SEPTIN7: variants seen among roughly 807,000 people sequenced by gnomAD.
SEPTIN7 encodes septin 7.
Under a neutral mutation model 63.3 loss-of-function variants are expected in SEPTIN7, and 10 were observed. The ratio of observed to expected loss-of-function variants is 0.16; its 90% CI spans 0.10 to 0.27. SEPTIN7 has a LOEUF of 0.27. SEPTIN7 is among the 10% of genes least tolerant of loss of function. The probability of loss-of-function intolerance (pLI) is 1.00; values close to 1 mark genes in which losing one functional copy is unlikely to be tolerated. For synonymous variants in SEPTIN7, 131 were observed against 165.3 expected, an observed-to-expected ratio of 0.79 and a Z score of 1.59; for missense variants, 310 against 521.0, an observed-to-expected ratio of 0.59 and a Z score of 3.94.
chr7:35,832,961 C>G, intron 3 of SEPTIN7, 61 bp downstream of exon 3: 1 of 917,306 alleles, frequency 1.1e-6, no homozygotes, highest in Admixed American at 1.7e-5. Context: ...TTAGTCAACT[C>G]TGAATAGATT....
intron 9 of SEPTIN7, among the ~76,000 whole-genome samples, chr7:35,884,350 A>G (rs1277038828): frequency 6.6e-6 from 1 of 152,192 alleles, no homozygotes; most frequent in Non-Finnish European, 1.5e-5. Context: ...TGGATTAAGG[A>G]TGCTCGACCA....
rs1783907031 is a variant in SEPTIN7, at chr7:35,833,006, A to G, written c.169+106A>G. ...ACTGGCACAGATATCTACAGTGATC[A>G]TATCTTTGTTGTATTTTCTCTTATG... On this transcript the variant is annotated intron_variant, in intron 3 of 13. Coordinates refer to ENST00000350320, the MANE Select transcript of SEPTIN7 (RefSeq NM_001788.6). The G allele has an allele frequency of 5.9e-6, 4 of 680,892 alleles. No homozygotes were observed. In the Admixed American group the frequency reaches 9.9e-5, roughly 17 times the overall value. The allele number at this position is 680,892 out of a possible 1,614,324, so 42.2% of individuals were successfully genotyped here.
chr7:35,888,937 T>G (rs539762530), intron 10 of SEPTIN7: 7 of 300,260 alleles, frequency 2.3e-5, no homozygotes, highest in South Asian at 1.7e-4. Flanking sequence ...AAAAAGTGTT[T>G]ATCATATCTC....
At position 35,890,668 on chromosome 7, in the gene SEPTIN7, A is replaced by G. The variant is rs2116331805; in HGVS notation, c.873A>G (p.Arg291=). ...AACTCTTGCTGTTTGTTTATGACAG[A>G]ACACACATGCAGGACTTGAAAGATG... The part of the protein sequence containing the change: ...DFTILRNMLI[R]THMQDLKDVT... Residue 291 remains arginine (R), a splice_region_variant and synonymous_variant, in exon 11 of 14, where the codon AGA becomes AGG. Coordinates refer to ENST00000350320, the MANE Select transcript of SEPTIN7 (RefSeq NM_001788.6). 6.5e-7 allele frequency: 1 copy of G among 1,537,842 alleles called. No homozygotes were observed. The highest frequency in any genetic ancestry group is 2.4e-5 in the East Asian group (1 of 41,744).
chr7:35,914,031 G>T, the SEPTIN7 span, among the ~76,000 whole-genome samples: 1 of 152,194 alleles, frequency 6.6e-6, no homozygotes, highest in African/African-American at 2.4e-5. Flanking sequence ...CCATAGAACA[G>T]AATACTATGT....
rs1050236327 is a variant in SEPTIN7, at chr7:35,873,568, T to C, written c.378-73T>C. The C allele has an allele frequency of 7.0e-6, 10 of 1,429,818 alleles. No individual in the cohort carries two copies. In the Admixed American group the frequency reaches 1.9e-4, roughly 27 times the overall value. The allele number at this position is 1,429,818 out of a possible 1,614,324, so 88.6% of individuals were successfully genotyped here. A position where few individuals can be genotyped will look rare whatever the true frequency, so the allele number is the denominator to read the frequency against. On this transcript the variant is annotated intron_variant, in intron 5 of 13. Transcript: ENST00000350320. ...ATTTTGCCCATTTGAAAATACTGAT[T>C]ATTGTCCTTTAACAGTCATCAGTTA... is the stretch of plus-strand genomic sequence containing the variant.
At chr7:35,850,185 T>C (rs923449064) in intron 3 of SEPTIN7, among the ~76,000 whole-genome samples, 3 of 152,226 alleles carry the variant, frequency 2.0e-5, no homozygotes, top group Middle Eastern at 3.2e-3. Flanking sequence ...GACACTAATA[T>C]GTATTTTGGT....
chr7:35,832,012 C>T (rs1480299816), intron 2 of SEPTIN7: 31 of 427,730 alleles, frequency 7.2e-5, no homozygotes, highest in South Asian at 4.2e-4. Flanking sequence ...GTCTTAACTA[C>T]GGACAGCATT....
At chr7:35,868,036 A>C (rs553823166) in intron 4 of SEPTIN7, among the ~76,000 whole-genome samples, 2 of 151,514 alleles carry the variant, frequency 1.3e-5, no homozygotes, top group South Asian at 4.2e-4. Flanking sequence ...CACCTGGCTA[A>C]TTTTTGTATT....
intron 5 of SEPTIN7, among the ~76,000 whole-genome samples, chr7:35,873,215 A>T (rs939965622): frequency 7.2e-5 from 11 of 151,974 alleles, no homozygotes; most frequent in African/African-American, 2.4e-4. Context: ...TTTTATAAAT[A>T]ATACTTTTAT....
intron 3 of SEPTIN7, among the ~76,000 whole-genome samples, chr7:35,839,625 T>C (rs1784308219): frequency 2.0e-5 from 3 of 152,164 alleles, no homozygotes; most frequent in Admixed American, 6.5e-5. Context: ...CTATCTCGGC[T>C]CACTGCAACC....
intron 1 of SEPTIN7, among the ~76,000 whole-genome samples, chr7:35,808,458 T>A (rs1197044400): frequency 6.6e-6 from 1 of 152,218 alleles, no homozygotes. Context: ...GCATAACCGT[T>A]ACATGATATC....
At position 35,838,379 on chromosome 7, in the gene SEPTIN7, C is replaced by T. The variant is rs1583538664; in HGVS notation, c.169+5479C>T. Among the ~76,000 whole-genome samples the T allele has an allele frequency of 3.4e-5, 3 of 88,938 alleles. 1 individual carries two copies. Among genetic ancestry groups the T allele is most frequent in the Non-Finnish European group, 6.9e-5 (3 of 43,352 alleles). The allele number at this position is 88,938 out of a possible 152,430, so 58.3% of individuals were successfully genotyped here. On this transcript the variant is annotated intron_variant, in intron 3 of 13. Coordinates refer to ENST00000350320, the MANE Select transcript of SEPTIN7 (RefSeq NM_001788.6). ...CTCCCTCCCTCCTCCCTCCCTCCCT[C>T]CCTCCCTCCCTACAGGGTCTTGCTT...
At chr7:35,844,717 C>T (rs765155192) in intron 3 of SEPTIN7, among the ~76,000 whole-genome samples, 3 of 152,162 alleles carry the variant, frequency 2.0e-5, no homozygotes, top group Non-Finnish European at 4.4e-5. Context: ...CTTCTCCTGC[C>T]TCAGCCTCCC....
rs1271698323 is a variant in SEPTIN7, at chr7:35,895,759, T to C, written c.999-2489T>C. 3.3e-5 allele frequency among the ~76,000 whole-genome samples: 5 copies of C among 152,312 alleles called. No homozygotes were observed. In the East Asian group the frequency reaches 9.6e-4, roughly 29 times the overall value. On this transcript the variant is annotated intron_variant, in intron 11 of 13. Transcript: ENST00000350320. Reference sequence around the variant, plus strand: ...TTTTTTTCCTTTAGGTATGATACAGTTGAAGGCATGTAAGGCAGGGGATTT... The same window carrying C: ...TTTTTTTCCTTTAGGTATGATACAGCTGAAGGCATGTAAGGCAGGGGATTT...
At chr7:35,840,346 G>T (rs1003909736) in intron 3 of SEPTIN7, among the ~76,000 whole-genome samples, 1 of 149,112 alleles carries the variant, frequency 6.7e-6, no homozygotes, top group Non-Finnish European at 1.5e-5. Context: ...GCAGCCTTGA[G>T]CCCCTGGACT....
At chr7:35,807,474 C>A (rs867310901) in intron 1 of SEPTIN7, among the ~76,000 whole-genome samples, 26 of 151,506 alleles carry the variant, frequency 1.7e-4, no homozygotes, top group Middle Eastern at 3.4e-3. Flanking sequence ...ACACCATTCT[C>A]CTGCCTCAGC....
chr7:35,827,283 T>A (rs571498769), intron 1 of SEPTIN7, among the ~76,000 whole-genome samples: 1 of 151,680 alleles, frequency 6.6e-6, no homozygotes, highest in African/African-American at 2.4e-5. Context: ...TACATACTTA[T>A]AAATGCCACA....
chr7:35,896,434 T>C (rs927036860), intron 11 of SEPTIN7, among the ~76,000 whole-genome samples: 3 of 152,158 alleles, frequency 2.0e-5, no homozygotes, highest in Non-Finnish European at 2.9e-5. Flanking sequence ...AATTATAGAC[T>C]CTTTGAAAAT....
Sources: allele counts gnomAD v4.1 joint callset (sites outside exome capture counted in the v4.1 genomes callset), GRCh38; gene constraint gnomAD v4.1.1; transcripts MANE v1.5; gene names NCBI Gene and HGNC (gene_info 2026-07-23, HGNC 2026-07-21).